Variants in CDH12 observed in about 807,000 individuals in gnomAD.
CDH12 encodes cadherin 12, also known as cadherin-12.
A neutral mutation model predicts 74.1 loss-of-function variants in CDH12; 41 were observed. The observed-to-expected ratio is 0.55, with a 90% confidence interval of 0.43 to 0.72. CDH12 has a LOEUF of 0.72. CDH12 is among the 30% of genes least tolerant of loss of function. The pLI is 0.00. For synonymous variants in CDH12, 399 were observed against 355.0 expected (o/e 1.12, Z -1.39); for missense variants, 945 against 977.2 (o/e 0.97, Z 0.44).
At chr5:22,407,093 A>G (rs1031758302) in intron 2 of CDH12, among the ~76,000 whole-genome samples, 4 of 152,096 alleles carry the variant, frequency 2.6e-5, no homozygotes, top group Admixed American at 2.0e-4. Flanking sequence ...AAAAAATTCA[A>G]TCTGAATCTC....
At chr5:22,627,090 T>A (rs147488649) in intron 1 of CDH12, among the ~76,000 whole-genome samples, 24 of 152,210 alleles carry the variant, frequency 1.6e-4, no homozygotes, top group African/African-American at 5.5e-4. Context: ...TGGGATTATG[T>A]AAAGAGACAA....
chr5:22,349,872 C>T (rs1284174413), intron 3 of CDH12, among the ~76,000 whole-genome samples: 1 of 152,108 alleles, frequency 6.6e-6, no homozygotes, highest in Non-Finnish European at 1.5e-5. Context: ...GTAGCTGGGA[C>T]TACAGGCGCA....
chr5:21,755,095 C>G (rs1336324265), intron 14 of CDH12, among the ~76,000 whole-genome samples: 1 of 152,168 alleles, frequency 6.6e-6, no homozygotes, highest in Non-Finnish European at 1.5e-5. Context: ...TTGAGGATTA[C>G]TTTACATTCT....
chr5:22,707,977 T>C (rs985321879), intron 1 of CDH12, among the ~76,000 whole-genome samples: 1 of 152,174 alleles, frequency 6.6e-6, no homozygotes, highest in African/African-American at 2.4e-5. Flanking sequence ...ATAACATTGA[T>C]ACAGTAAAGC....
chr5:22,338,475 A>G (rs563954250), intron 3 of CDH12, among the ~76,000 whole-genome samples: 27 of 152,240 alleles, frequency 1.8e-4, no homozygotes, highest in African/African-American at 6.5e-4. Flanking sequence ...ATGGGTACAA[A>G]AAAAAAATAG....
chr5:22,364,997 C>A (rs1395855982), intron 3 of CDH12, among the ~76,000 whole-genome samples: 1 of 152,180 alleles, frequency 6.6e-6, no homozygotes, highest in Non-Finnish European at 1.5e-5. Flanking sequence ...TAATAAGCAA[C>A]ATTTTAAAGT....
chr5:22,350,827 C>T lies in CDH12; in HGVS notation c.-333+54430G>A, dbSNP rs187557619. On this transcript the variant is annotated intron_variant, in intron 3 of 14. Transcript: ENST00000382254. ...ATCTAATTTATTATTATCGAATAAG[C>T]AACCTAAAGTTTCTTTAGGTGTTAT... Among the ~76,000 whole-genome samples, 156 of 152,222 alleles carry T rather than the reference C, an allele frequency of 1.0e-3. 1 individual carries two copies. Among genetic ancestry groups the T allele is most frequent in the Non-Finnish European group, 1.7e-3 (115 of 68,004 alleles).
At chr5:22,733,897 T>C (rs1744557431) in intron 1 of CDH12, among the ~76,000 whole-genome samples, 1 of 151,770 alleles carries the variant, frequency 6.6e-6, no homozygotes, top group South Asian at 2.1e-4. Context: ...TATAACCAAA[T>C]AGAGAGTCTG....
intron 6 of CDH12, among the ~76,000 whole-genome samples, chr5:21,936,071 C>G (rs1362367435): frequency 6.6e-6 from 1 of 152,062 alleles, no homozygotes; most frequent in East Asian, 1.9e-4. Context: ...GCAGATATCT[C>G]TCTGATATAC....
intron 4 of CDH12, among the ~76,000 whole-genome samples, chr5:22,110,874 A>T (rs1744771158): frequency 6.6e-6 from 1 of 152,138 alleles, no homozygotes. Context: ...CTATAAACTA[A>T]ATGTCTCCCA....
intron 6 of CDH12, among the ~76,000 whole-genome samples, chr5:21,870,583 G>A (rs1751569919): frequency 6.6e-6 from 1 of 152,038 alleles, no homozygotes. Context: ...CCCAGTCTTG[G>A]GTATTTTGTT....
At chr5:21,957,188 T>A (rs1180633394) in intron 6 of CDH12, among the ~76,000 whole-genome samples, 1 of 152,166 alleles carries the variant, frequency 6.6e-6, no homozygotes, top group Non-Finnish European at 1.5e-5. Context: ...TGGTTTTTTG[T>A]TCCTGTGTTA....
In CDH12 at chr5:22,206,431, T is replaced by C. The variant is rs375270496; in HGVS notation, c.-187+6067A>G. Among the ~76,000 whole-genome samples the C allele has an allele frequency of 4.6e-5, 7 of 152,146 alleles. No individual in the cohort carries two copies. The East Asian group carries it at 7.7e-4, about 17-fold the overall frequency. On this transcript the variant is annotated intron_variant, in intron 4 of 14. Coordinates refer to ENST00000382254, the MANE Select transcript of CDH12 (RefSeq NM_004061.5). ...TCCCAATAATTAGGCCACATTCTTATATATTCGTTTTTGTCAGAATCAACT... is the reference window on the plus strand; with the variant it reads ...TCCCAATAATTAGGCCACATTCTTACATATTCGTTTTTGTCAGAATCAACT...
intron 4 of CDH12, among the ~76,000 whole-genome samples, chr5:22,088,655 A>G (rs1743220923): frequency 6.6e-6 from 1 of 152,166 alleles, no homozygotes; most frequent in Admixed American, 6.6e-5. Context: ...CTCAGGGGGC[A>G]TACTTTATTT....
chr5:21,800,352 C>T (rs1561195305), intron 10 of CDH12, among the ~76,000 whole-genome samples: 2 of 152,092 alleles, frequency 1.3e-5, no homozygotes, highest in South Asian at 2.1e-4. Context: ...GAATTGGAAT[C>T]TTATGAGATG....
At chr5:22,626,109 A>G (rs1438097316) in intron 1 of CDH12, among the ~76,000 whole-genome samples, 1 of 152,108 alleles carries the variant, frequency 6.6e-6, no homozygotes, top group Non-Finnish European at 1.5e-5. Context: ...TACTACCAGT[A>G]CAAGTGCATG....
intron 1 of CDH12, among the ~76,000 whole-genome samples, chr5:22,801,382 G>A (rs1289615799): frequency 6.6e-6 from 1 of 151,932 alleles, no homozygotes; most frequent in Non-Finnish European, 1.5e-5. Context: ...GTTTTGGGAC[G>A]CCTTGAAAGA....
Position 21,810,100 on chromosome 5 carries a change from C to T in CDH12, c.1002+6845G>A, listed in dbSNP as rs1747666193. Among the ~76,000 whole-genome samples, 6 of 152,030 alleles carry T rather than the reference C, an allele frequency of 3.9e-5. No homozygotes were observed. In the South Asian group the frequency reaches 1.2e-3, roughly 31 times the overall value. On this transcript the variant is annotated intron_variant, in intron 9 of 14. Coordinates refer to ENST00000382254, the MANE Select transcript of CDH12 (RefSeq NM_004061.5). ...TGCTGTACTTGGAATGTAGCTTGTG[C>T]ATATGAACATGCCTGTAAATGTGTG...
At chr5:22,809,893 A>T (rs1018244453) in intron 1 of CDH12, among the ~76,000 whole-genome samples, 2 of 152,102 alleles carry the variant, frequency 1.3e-5, no homozygotes, top group African/African-American at 4.8e-5. Flanking sequence ...TGAAAAGTTT[A>T]CCCAATAAAT....
Sources: gnomAD v4.1 joint callset for allele counts (sites outside exome capture counted in the v4.1 genomes callset) on GRCh38, gnomAD v4.1.1 for gene constraint, MANE v1.5 for transcripts, NCBI Gene and HGNC (gene_info 2026-07-23, HGNC 2026-07-21) for gene names.